Variants in HCRTR2 observed in about 807,000 individuals in gnomAD.
The protein encoded by HCRTR2 is orexin receptor type 2.
HCRTR2 carries 22 observed loss-of-function variants against 49.0 expected under a neutral mutation model. The observed-to-expected ratio is 0.45, with a 90% CI of 0.32 to 0.64. HCRTR2 has a LOEUF of 0.64. Ranked by LOEUF, HCRTR2 falls within the 30% of genes least tolerant of loss-of-function variation. HCRTR2 has a pLI of 0.04. For missense variants in HCRTR2, 491 were observed against 559.4 expected (o/e 0.88, Z 1.23); for synonymous variants, 236 against 205.3 (o/e 1.15, Z -1.28).
At chr6:55,146,562 T>C (rs958394636) in intron 1 of HCRTR2, among the ~76,000 whole-genome samples, 3 of 147,558 alleles carry the variant, frequency 2.0e-5, no homozygotes, top group African/African-American at 7.4e-5. Flanking sequence ...GAATATCAGA[T>C]TAAAGCAAAG....
intron 1 of HCRTR2, among the ~76,000 whole-genome samples, chr6:55,223,778 A>G (rs1281133093): frequency 6.7e-6 from 1 of 150,070 alleles, no homozygotes; most frequent in East Asian, 1.9e-4. Flanking sequence ...ACTTACCTAG[A>G]AAAAAAAAAG....
intron 1 of HCRTR2, among the ~76,000 whole-genome samples, chr6:55,212,079 T>C (rs1226792705): frequency 2.0e-5 from 3 of 152,308 alleles, no homozygotes; most frequent in East Asian, 1.9e-4. Context: ...GAAATACCTG[T>C]CTTTCTCCAT....
chr6:55,153,751 A>G (rs955417661), intron 1 of HCRTR2, among the ~76,000 whole-genome samples: 1 of 151,980 alleles, frequency 6.6e-6, no homozygotes, highest in African/African-American at 2.4e-5. Context: ...GACAAACAGA[A>G]AAAACTAAGA....
Position 55,146,579 on chromosome 6 carries a change from T to TAAA in HCRTR2, c.-377-27621_-377-27619dup, listed in dbSNP as rs10684393. On this transcript the variant is annotated intron_variant, in intron 1 of 7. Transcript: ENST00000615358. ...ATATCAGATTAAAGCAAAGGTTAGTTAAAAAAAAAAAAACAAGCTTTTTTT... is the reference window on the plus strand; with the variant it reads ...ATATCAGATTAAAGCAAAGGTTAGTTAAAAAAAAAAAAAAAACAAGCTTTTTTT... 2.5e-3 allele frequency among the ~76,000 whole-genome samples: 356 copies of TAAA among 142,334 alleles called. 2 individuals carry two copies. Among genetic ancestry groups the TAAA allele is most frequent in the Non-Finnish European group, 3.7e-3 (246 of 65,894 alleles). The allele number at this position is 142,334 out of a possible 152,430, so 93.4% of individuals were successfully genotyped here.
chr6:55,215,692 G>A (rs1765774961), intron 1 of HCRTR2, among the ~76,000 whole-genome samples: 1 of 152,172 alleles, frequency 6.6e-6, no homozygotes, highest in South Asian at 2.1e-4. Flanking sequence ...GTGGAGGGGA[G>A]AAGTCAAAGT....
At chr6:55,261,275 T>C (rs745442091) in intron 3 of HCRTR2, among the ~76,000 whole-genome samples, 2 of 152,030 alleles carry the variant, frequency 1.3e-5, no homozygotes, top group Admixed American at 6.6e-5. Flanking sequence ...AAAAGTTGGC[T>C]AAGAACATGA....
At chr6:55,232,892 C>T (rs1320279650) in intron 1 of HCRTR2, among the ~76,000 whole-genome samples, 1 of 152,104 alleles carries the variant, frequency 6.6e-6, no homozygotes, top group Non-Finnish European at 1.5e-5. Context: ...AGTGCATAAA[C>T]TTTACCTCTA....
chr6:55,128,867 C>T (rs760418899), intron 1 of HCRTR2, among the ~76,000 whole-genome samples: 2 of 151,974 alleles, frequency 1.3e-5, no homozygotes, highest in Admixed American at 6.6e-5. Flanking sequence ...ATAACATGAT[C>T]ATGAAGAGAT....
intron 1 of HCRTR2, among the ~76,000 whole-genome samples, chr6:55,132,497 A>C (rs560982076): frequency 7.9e-5 from 12 of 152,078 alleles, no homozygotes; most frequent in African/African-American, 2.9e-4. Flanking sequence ...GTACGTTAAC[A>C]GCATTAGATG....
At chr6:55,162,783 G>C (rs1764824510) in intron 1 of HCRTR2, among the ~76,000 whole-genome samples, 1 of 152,120 alleles carries the variant, frequency 6.6e-6, no homozygotes, top group Non-Finnish European at 1.5e-5. Context: ...ACCTCTTCAA[G>C]GAGAACTACA....
At chr6:55,190,206 C>T (rs565419438) in intron 1 of HCRTR2, among the ~76,000 whole-genome samples, 8 of 152,168 alleles carry the variant, frequency 5.3e-5, no homozygotes, top group Non-Finnish European at 8.8e-5. Context: ...GTGCCTATTG[C>T]AGCAAACAAA....
intron 1 of HCRTR2, chr6:55,240,847 G>C: frequency 3.2e-6 from 1 of 313,560 alleles, no homozygotes. Context: ...TCTTCCCTAT[G>C]TATTCAGTTG....
At position 55,282,540 on chromosome 6, in the gene HCRTR2, T is replaced by A. The variant is rs547924443; in HGVS notation, c.*86T>A. 1.5e-5 allele frequency: 11 copies of A among 756,664 alleles called. 1 individual carries two copies. In the Admixed American group the frequency reaches 2.4e-4, roughly 16 times the overall value. The allele number at this position is 756,664 out of a possible 1,614,324, so 46.9% of individuals were successfully genotyped here. A position where few individuals can be genotyped will look rare whatever the true frequency, so the allele number is the denominator to read the frequency against. Reference sequence around the variant, plus strand: ...ACAGAAATTTTATTATCCTATGATGTGAAGCTAAAATTACTTGTGGATCTT... The same window carrying A: ...ACAGAAATTTTATTATCCTATGATGAGAAGCTAAAATTACTTGTGGATCTT... On this transcript the variant is annotated 3_prime_UTR_variant, in exon 7 of 7. Coordinates refer to ENST00000370862, the MANE Select transcript of HCRTR2 (RefSeq NM_001384272.1).
chr6:55,207,299 G>T (rs1370187493), intron 1 of HCRTR2, among the ~76,000 whole-genome samples: 8 of 152,004 alleles, frequency 5.3e-5, no homozygotes, highest in African/African-American at 1.9e-4. Context: ...AATTATGAAA[G>T]CATTTATTGC....
chr6:55,249,759 A>T (rs1008178665), intron 2 of HCRTR2, among the ~76,000 whole-genome samples: 5 of 152,102 alleles, frequency 3.3e-5, no homozygotes, highest in African/African-American at 1.2e-4. Context: ...GAAACAAAAG[A>T]TTCATCAGAT....
intron 1 of HCRTR2, among the ~76,000 whole-genome samples, chr6:55,152,996 T>C (rs1418987226): frequency 6.6e-6 from 1 of 152,014 alleles, no homozygotes; most frequent in African/African-American, 2.4e-5. Flanking sequence ...CCTGTGTGCG[T>C]GTTTTTTTTC....
intron 1 of HCRTR2, among the ~76,000 whole-genome samples, chr6:55,120,776 CT>C (rs1764187392): frequency 6.6e-6 from 1 of 152,032 alleles, no homozygotes; most frequent in Admixed American, 6.6e-5. Flanking sequence ...CTGGCCAGAA[CT>C]TCCAATACTA....
At chr6:55,170,632 G>A (rs9370396), upstream of HCRTR2, among the ~76,000 whole-genome samples, 25,275 of 151,494 alleles carry the variant, frequency 0.17, 2,292 homozygotes, top group East Asian at 0.28. Context: ...TGTGCACAAC[G>A]TGCAGGTTTG....
At chr6:55,214,768 A>G (rs1001344098) in intron 1 of HCRTR2, among the ~76,000 whole-genome samples, 3 of 152,088 alleles carry the variant, frequency 2.0e-5, no homozygotes, top group Admixed American at 6.6e-5. Flanking sequence ...AAAGAATCAA[A>G]CAAAATTTGC....
Sources: gnomAD v4.1 joint callset for allele counts (sites outside exome capture counted in the v4.1 genomes callset) on GRCh38, gnomAD v4.1.1 for gene constraint, MANE v1.5 for transcripts, NCBI Gene and HGNC (gene_info 2026-07-23, HGNC 2026-07-21) for gene names.